Variants in PCDHGA5 observed in about 807,000 individuals in gnomAD.
PCDHGA5 encodes protocadherin gamma-A5.
Under a neutral mutation model 56.7 loss-of-function variants are expected in PCDHGA5, and 36 were observed. The ratio of observed to expected loss-of-function variants is 0.64; its 90% CI spans 0.49 to 0.84. The LOEUF (loss-of-function observed/expected upper bound fraction) is 0.84. PCDHGA5 is among the 40% of genes least tolerant of loss of function. PCDHGA5 has a pLI of 0.00. For synonymous variants in PCDHGA5, 563 were observed against 520.2 expected, an observed-to-expected ratio of 1.08 and a Z score of -1.12; for missense variants, 1,305 against 1,201.5, an observed-to-expected ratio of 1.09 and a Z score of -1.27.
chr5:141,418,247 G>A, intron 1 of PCDHGA5: 1 of 1,614,032 alleles, frequency 6.2e-7, no homozygotes, highest in Non-Finnish European at 8.5e-7. Context: ...TAATGACCAC[G>A]CCCCTCAATT....
At chr5:141,433,358 C>CCTAA (rs1554125965) in intron 1 of PCDHGA5, 1 of 503,368 alleles carries the variant, frequency 2.0e-6, no homozygotes, top group Non-Finnish European at 3.5e-6. Flanking sequence ...CTACTGTCTG[C>CCTAA]CTATCTATCT....
At chr5:141,376,509 T>C in intron 1 of PCDHGA5, 1 of 1,613,934 alleles carries the variant, frequency 6.2e-7, no homozygotes, top group Admixed American at 1.7e-5. Flanking sequence ...CAACTTCAGG[T>C]GAGTTTCTTT....
rs996153387 is a variant in PCDHGA5, at chr5:141,491,985, G to A, written c.2422-2822G>A. 24 of 743,298 alleles carry A rather than the reference G, an allele frequency of 3.2e-5. No homozygotes were observed. Among genetic ancestry groups the A allele is most frequent in the Non-Finnish European group, 4.5e-5 (22 of 494,254 alleles). 46.0% of individuals were successfully genotyped at this position (743,298 alleles called of 1,614,324 possible). On this transcript the variant is annotated intron_variant, in intron 1 of 3. Transcript: ENST00000518069. The surrounding 1 kb of genome is among the most constrained non-coding windows in gnomAD (Gnocchi z 6.9). ...AGGCCGGGGCCTCCTTCGAGCTTCC[G>A]GTGAATTTCGGGCGATTTCCGCGGG...
intron 1 of PCDHGA5, chr5:141,373,979 C>A: frequency 9.0e-7 from 1 of 1,107,704 alleles, no homozygotes; most frequent in Non-Finnish European, 1.2e-6. Context: ...CGCATCCGGT[C>A]TCTGCTTGTT....
rs200545713 is a variant in PCDHGA5 at position 141,422,296 on chromosome 5, A to G, written c.2421+55545A>G. 133 of 1,550,704 alleles carry G rather than the reference A, an allele frequency of 8.6e-5. 1 individual carries two copies. The Admixed American group carries it at 2.1e-3, about 25-fold the overall frequency. ...AACTATCACCTCTTCTATTAATTCAATTCTGGAAAACTCTCCTCCAGGTAC... is the reference window on the plus strand; with the variant it reads ...AACTATCACCTCTTCTATTAATTCAGTTCTGGAAAACTCTCCTCCAGGTAC... On this transcript the variant is annotated intron_variant, in intron 1 of 3. Transcript: ENST00000518069.
intron 1 of PCDHGA5, chr5:141,478,531 C>T (rs771145308): frequency 1.9e-6 from 3 of 1,608,190 alleles, no homozygotes; most frequent in Non-Finnish European, 2.5e-6. Flanking sequence ...GTGCAGAGAG[C>T]GCCCCTCCCG....
At chr5:141,482,943 G>T (rs2099574928) in intron 1 of PCDHGA5, among the ~76,000 whole-genome samples, 1 of 152,086 alleles carries the variant, frequency 6.6e-6, no homozygotes, top group Non-Finnish European at 1.5e-5. Context: ...TGTGGTTGTG[G>T]GTGCCTGTAA....
chr5:141,372,129 C>G (rs62620756), intron 1 of PCDHGA5: 1 of 1,613,624 alleles, frequency 6.2e-7, no homozygotes, highest in Non-Finnish European at 8.5e-7. Context: ...CGATATGGTG[C>G]CGCGCTCTGC....
At chr5:141,415,884 A>C in intron 1 of PCDHGA5, 1 of 981,534 alleles carries the variant, frequency 1.0e-6, no homozygotes, top group Non-Finnish European at 1.4e-6. Context: ...TACAATATTG[A>C]CAATTCCTAA....
rs369595307 is a variant in PCDHGA5, at chr5:141,394,005, A to G, written c.2421+27254A>G. On this transcript the variant is annotated intron_variant, in intron 1 of 3. Coordinates refer to ENST00000518069, the MANE Select transcript of PCDHGA5 (RefSeq NM_018918.3). ...TTTACCTTTTAAATTAGAAAAGTCA[A>G]TAGGTAATTATTATAGATTAGTGAC... 52 of 1,613,340 alleles carry G rather than the reference A, an allele frequency of 3.2e-5. No individual in the cohort carries two copies. In the African/African-American group the frequency reaches 5.6e-4, roughly 17 times the overall value.
chr5:141,417,871 C>T (rs1317007566), intron 1 of PCDHGA5: 1 of 1,554,006 alleles, frequency 6.4e-7, no homozygotes, highest in African/African-American at 1.4e-5. Context: ...TGGGAGGGAG[C>T]TGCGCGCAGA....
intron 1 of PCDHGA5, among the ~76,000 whole-genome samples, chr5:141,451,107 C>G (rs768308463): frequency 1.2e-4 from 18 of 152,118 alleles, no homozygotes; most frequent in Non-Finnish European, 2.4e-4. Context: ...GGATTACAGG[C>G]GTGAGCCACC....
intron 1 of PCDHGA5, chr5:141,412,995 T>G: frequency 1.7e-6 from 1 of 572,718 alleles, no homozygotes. Flanking sequence ...TCAATCCGGA[T>G]TCTCAGGGCT....
chr5:141,366,340 C>T lies in PCDHGA5; in HGVS notation c.2010C>T (p.Asp670=). 6.2e-7 allele frequency: 1 copy of T among 1,613,934 alleles called. No individual in the cohort carries two copies. The highest frequency in any genetic ancestry group is 8.5e-7 in the Non-Finnish European group (1 of 1,180,028). The change falls in exon 1 of 4, where the codon GAC becomes GAT. Residue 670 remains aspartate, a synonymous_variant. Coordinates refer to ENST00000518069, the MANE Select transcript of PCDHGA5 (RefSeq NM_018918.3). ...VTVAVADRIP[D]ILADLGSIKT... is the part of the protein sequence containing the mutation. ...TTGCCGTGGCCGACAGGATCCCTGA[C>T]ATCCTGGCTGACCTAGGCAGTATCA...
intron 1 of PCDHGA5, among the ~76,000 whole-genome samples, chr5:141,425,504 T>A (rs1049969153): frequency 2.6e-5 from 4 of 152,260 alleles, no homozygotes; most frequent in Non-Finnish European, 5.9e-5. Flanking sequence ...TACCTTTATA[T>A]TCTCTTTATG....
chr5:141,409,928 G>C (rs2095338081), intron 1 of PCDHGA5: 1 of 1,613,354 alleles, frequency 6.2e-7, no homozygotes, highest in Non-Finnish European at 8.5e-7. Context: ...CGCGTTCTTC[G>C]ATATGGTACC....
rs749817501 is a variant in PCDHGA5 at position 141,423,756 on chromosome 5, G to GT, written c.2421+57005_2421+57006insT. ...GCCTGTTATGAAAACTGTTTGGGGGGGGGGTGGGGCGGCATATATTTAGTT... is the reference window on the plus strand; with the variant it reads ...GCCTGTTATGAAAACTGTTTGGGGGGTGGGGTGGGGCGGCATATATTTAGTT... On this transcript the variant is annotated intron_variant, in intron 1 of 3. Transcript: ENST00000518069. 9 of 448,538 alleles carry GT rather than the reference G, an allele frequency of 2.0e-5. 1 individual carries two copies. Among genetic ancestry groups the GT allele is most frequent in the African/African-American group, 2.8e-5 (1 of 35,670 alleles). 27.8% of individuals were successfully genotyped at this position (448,538 alleles called of 1,614,324 possible).
chr5:141,403,200 C>T (rs765799006), intron 1 of PCDHGA5: 1 of 1,613,982 alleles, frequency 6.2e-7, no homozygotes, highest in South Asian at 1.1e-5. Flanking sequence ...CGCAGCGGCA[C>T]CTTGGTCACC....
chr5:141,399,009 C>A (rs759328384), intron 1 of PCDHGA5: 1 of 1,613,812 alleles, frequency 6.2e-7, no homozygotes, highest in African/African-American at 1.3e-5. Context: ...ATTCAAAGAG[C>A]GGAGAAATTA....
Sources: gnomAD v4.1 joint callset for allele counts (sites outside exome capture counted in the v4.1 genomes callset) on GRCh38, gnomAD v4.1.1 for gene constraint, Gnocchi (gnomAD v3.1) non-coding constraint, MANE v1.5 for transcripts, NCBI Gene and HGNC (gene_info 2026-07-23, HGNC 2026-07-21) for gene names.